LRP1B: variants seen among roughly 807,000 people sequenced by gnomAD.
LRP1B encodes low-density lipoprotein receptor-related protein 1B.
A neutral mutation model predicts 556.6 loss-of-function variants in LRP1B; 217 were observed. The ratio of observed to expected loss-of-function variants is 0.39; its 90% confidence interval spans 0.35 to 0.44. The LOEUF is 0.44. LRP1B is among the 20% of genes least tolerant of loss of function. The pLI, the probability that LRP1B is intolerant of heterozygous loss-of-function variation, is 1.00. For missense variants in LRP1B, 5,053 were observed against 5,620.8 expected (o/e 0.90, Z 3.23); for synonymous variants, 2,047 against 1,865.8 (o/e 1.10, Z -2.50).
At chr2:142,061,112 T>A (rs924529788) in intron 1 of LRP1B, among the ~76,000 whole-genome samples, 3 of 152,020 alleles carry the variant, frequency 2.0e-5, no homozygotes, top group African/African-American at 7.2e-5. Context: ...CATTATTAAT[T>A]CCTCTTACAG....
At chr2:141,641,970 T>C (rs1272905177) in intron 2 of LRP1B, among the ~76,000 whole-genome samples, 1 of 152,008 alleles carries the variant, frequency 6.6e-6, no homozygotes, top group African/African-American at 2.4e-5. Flanking sequence ...TATTTGTTGA[T>C]ATAGCATGCA....
At chr2:141,153,553 CTATA>C (rs375976151) in intron 7 of LRP1B, among the ~76,000 whole-genome samples, 8,202 of 118,910 alleles carry the variant, frequency 0.069, 516 homozygotes, top group Middle Eastern at 0.18. Flanking sequence ...TATATATTAG[CTATA>C]TATATTTATA....
At chr2:141,120,626 T>G (rs1701024923) in intron 7 of LRP1B, among the ~76,000 whole-genome samples, 1 of 152,042 alleles carries the variant, frequency 6.6e-6, no homozygotes, top group South Asian at 2.1e-4. Context: ...TTTTCAGATT[T>G]ATAATGAATC....
At chr2:140,603,172 T>G (rs1682739804) in intron 41 of LRP1B, among the ~76,000 whole-genome samples, 1 of 151,966 alleles carries the variant, frequency 6.6e-6, no homozygotes. Flanking sequence ...TCTCACACAG[T>G]CAACAAAGCA....
chr2:141,789,750 G>A (rs1223009731), intron 2 of LRP1B, among the ~76,000 whole-genome samples: 1 of 151,988 alleles, frequency 6.6e-6, no homozygotes, highest in Admixed American at 6.6e-5. Flanking sequence ...GGTAAGGTGA[G>A]TAGGGCCAAG....
At chr2:141,675,452 T>C (rs541236791) in intron 2 of LRP1B, among the ~76,000 whole-genome samples, 14 of 151,894 alleles carry the variant, frequency 9.2e-5, no homozygotes, top group Non-Finnish European at 1.9e-4. Context: ...GTCATGTTCA[T>C]AGTCCAGAGG....
At chr2:141,224,939 A>ACCTGCACAT (rs757017008) in intron 6 of LRP1B, among the ~76,000 whole-genome samples, 1 of 152,160 alleles carries the variant, frequency 6.6e-6, no homozygotes. Context: ...TATGTAACAA[A>ACCTGCACAT]CCTGCACATC....
In LRP1B at chr2:141,156,940, C is replaced by T. The variant is rs190969739; in HGVS notation, c.1013+31481G>A. Among the ~76,000 whole-genome samples, 4 of 152,184 alleles carry T rather than the reference C, an allele frequency of 2.6e-5. No homozygotes were observed. In the East Asian group the frequency reaches 7.8e-4, roughly 30 times the overall value. Reference sequence around the variant, plus strand: ...TTGGGGTGGTAAAAATTTCAGAATACTCAGCAGAACACCATTCCTTTAGCC... The same window carrying T: ...TTGGGGTGGTAAAAATTTCAGAATATTCAGCAGAACACCATTCCTTTAGCC... On this transcript the variant is annotated intron_variant, in intron 7 of 90. Coordinates refer to ENST00000389484, the MANE Select transcript of LRP1B (RefSeq NM_018557.3).
At chr2:141,917,010 T>A (rs1462196991) in intron 1 of LRP1B, among the ~76,000 whole-genome samples, 2 of 152,178 alleles carry the variant, frequency 1.3e-5, no homozygotes, top group African/African-American at 4.8e-5. Flanking sequence ...TTGATACATT[T>A]AAAAATTTTA....
intron 2 of LRP1B, among the ~76,000 whole-genome samples, chr2:141,669,282 G>A (rs1690572214): frequency 6.6e-6 from 1 of 152,114 alleles, no homozygotes; most frequent in African/African-American, 2.4e-5. Context: ...AAGACAAAGC[G>A]AAGACAAAGC....
intron 7 of LRP1B, among the ~76,000 whole-genome samples, chr2:141,069,796 C>G (rs1399450002): frequency 1.8e-4 from 27 of 151,900 alleles, no homozygotes; most frequent in Admixed American, 1.8e-3. Context: ...TTGCAACTTT[C>G]TCACCCTTCT....
intron 1 of LRP1B, among the ~76,000 whole-genome samples, chr2:141,867,765 A>G (rs1006561992): frequency 1.3e-5 from 2 of 152,166 alleles, no homozygotes; most frequent in African/African-American, 4.8e-5. Context: ...GAGGCATGAA[A>G]TGTAACACGG....
chr2:141,121,998 G>A (rs576795046), intron 7 of LRP1B, among the ~76,000 whole-genome samples: 17 of 152,188 alleles, frequency 1.1e-4, no homozygotes, highest in African/African-American at 4.1e-4. Flanking sequence ...ACAAGAAATG[G>A]GGAAAGGATT....
intron 20 of LRP1B, among the ~76,000 whole-genome samples, chr2:140,940,002 C>T (rs1046147503): frequency 2.0e-5 from 3 of 151,370 alleles, no homozygotes; most frequent in Non-Finnish European, 4.4e-5. Context: ...TCTCATGCCT[C>T]AGCCTCCAGA....
intron 2 of LRP1B, among the ~76,000 whole-genome samples, chr2:141,645,559 GT>G (rs929949512): frequency 1.6e-5 from 2 of 126,416 alleles, no homozygotes; most frequent in African/African-American, 6.0e-5. Flanking sequence ...TAGGCTTACT[GT>G]TTTAAGAATC....
intron 79 of LRP1B, among the ~76,000 whole-genome samples, chr2:140,329,131 T>A (rs921530323): frequency 6.6e-6 from 1 of 152,064 alleles, no homozygotes; most frequent in Non-Finnish European, 1.5e-5. Flanking sequence ...CTGGAAAGTA[T>A]CCTTGTCTGA....
At chr2:142,032,708 C>T (rs1336135727) in intron 1 of LRP1B, among the ~76,000 whole-genome samples, 1 of 151,732 alleles carries the variant, frequency 6.6e-6, no homozygotes, top group Non-Finnish European at 1.5e-5. Context: ...TAGGGCTTCC[C>T]TTTGTAGAGA....
chr2:141,644,762 C>CACACACAT (rs397774024), intron 2 of LRP1B, among the ~76,000 whole-genome samples: 5 of 147,146 alleles, frequency 3.4e-5, no homozygotes, highest in African/African-American at 1.3e-4. Flanking sequence ...CACACACACA[C>CACACACAT]GCATACACAT....
intron 1 of LRP1B, among the ~76,000 whole-genome samples, chr2:142,030,711 C>A (rs1431357209): frequency 6.6e-6 from 1 of 151,724 alleles, no homozygotes; most frequent in African/African-American, 2.4e-5. Context: ...ATAAAGTTGT[C>A]TGTGTAAGAT....
Sources: gnomAD v4.1 joint callset for allele counts (sites outside exome capture counted in the v4.1 genomes callset) on GRCh38, gnomAD v4.1.1 for gene constraint, MANE v1.5 for transcripts, NCBI Gene and HGNC (gene_info 2026-07-23, HGNC 2026-07-21) for gene names.